Variants in NCOR1 observed in about 807,000 individuals in gnomAD.
The protein encoded by NCOR1 is protein phosphatase 1, regulatory subunit 109.
Under a neutral mutation model 288.1 loss-of-function variants are expected in NCOR1, and 63 were observed. The ratio of observed to expected loss-of-function variants is 0.22; its 90% CI spans 0.18 to 0.27. The LOEUF (loss-of-function observed/expected upper bound fraction) is 0.27, where lower values mean the gene tolerates loss of function less well. Ranked by LOEUF, NCOR1 falls within the 10% of genes least tolerant of loss-of-function variation. The pLI is 1.00. For missense variants in NCOR1, 2,397 were observed against 3,019.2 expected, an observed-to-expected ratio of 0.79 and a Z score of 4.83; for synonymous variants, 1,007 against 1,065.9, an observed-to-expected ratio of 0.94 and a Z score of 1.08.
chr17:16,207,739 C>CAAAAAA (rs200123318), intron 1 of NCOR1, among the ~76,000 whole-genome samples: 1 of 61,032 alleles, frequency 1.6e-5, no homozygotes, highest in Non-Finnish European at 3.5e-5. Flanking sequence ...ACTCCATCTC[C>CAAAAAA]AAAAAAAAAA....
At chr17:16,183,230 C>CAAAAAAAAAAAAAAAGAAAAAAAAAAA (rs2085891280) in intron 3 of NCOR1, among the ~76,000 whole-genome samples, 1 of 64,074 alleles carries the variant, frequency 1.6e-5, no homozygotes, top group Non-Finnish European at 3.7e-5. Context: ...AGCAATCAAA[C>CAAAAAAAAAAAAAAAGAAAAAAAAAAA]AAAAAAAAAA....
chr17:16,067,216 T>G (rs1246596902), intron 32 of NCOR1, among the ~76,000 whole-genome samples: 3 of 152,270 alleles, frequency 2.0e-5, no homozygotes, highest in African/African-American at 4.8e-5. Context: ...TGTCTACCAA[T>G]GTCAGTGGTG....
At chr17:16,146,785 T>C (rs995544808) in intron 9 of NCOR1, among the ~76,000 whole-genome samples, 1 of 152,198 alleles carries the variant, frequency 6.6e-6, no homozygotes, top group African/African-American at 2.4e-5. Flanking sequence ...AGACTATGCA[T>C]ATTTATAAAC....
intron 18 of NCOR1, among the ~76,000 whole-genome samples, chr17:16,114,409 C>T (rs1033076486): frequency 6.6e-5 from 10 of 152,210 alleles, no homozygotes; most frequent in African/African-American, 2.4e-4. Flanking sequence ...ATTTCAAAAC[C>T]AATCATGCCT....
chr17:16,059,270 A>G (rs1190801003), intron 37 of NCOR1, among the ~76,000 whole-genome samples: 1 of 152,156 alleles, frequency 6.6e-6, no homozygotes, highest in Admixed American at 6.5e-5. Context: ...GTTCTTAGAA[A>G]AACGCTGAGG....
chr17:16,208,374 TAACTCAC>T (rs1343441698), intron 1 of NCOR1, among the ~76,000 whole-genome samples: 9 of 151,800 alleles, frequency 5.9e-5, no homozygotes, highest in Non-Finnish European at 1.2e-4. Flanking sequence ...TCTGTATTTC[TAACTCAC>T]AGTTTTTTCC....
At chr17:16,186,980 CAT>C (rs1003015798) in intron 2 of NCOR1, among the ~76,000 whole-genome samples, 9 of 152,084 alleles carry the variant, frequency 5.9e-5, no homozygotes, top group African/African-American at 2.2e-4. Context: ...ATCTCAAACT[CAT>C]GTGTTCAATA....
chr17:16,080,534 A>C (rs2063233280), intron 24 of NCOR1, 25 bp from the exon 25 acceptor site: 2 of 1,612,966 alleles, frequency 1.2e-6, no homozygotes, highest in Non-Finnish European at 8.5e-7. Flanking sequence ...AGAAACATGA[A>C]ACAATCCAGT....
rs147509060 is a variant in NCOR1, at chr17:16,137,584, T to C, written c.1408-172A>G. ...ATCTAGGCTCTAAAATTATTTACATTATAGGTACTATTTTAATAGACAGTT... is the reference window on the plus strand; with the variant it reads ...ATCTAGGCTCTAAAATTATTTACATCATAGGTACTATTTTAATAGACAGTT... On this transcript the variant is annotated intron_variant, in intron 13 of 45. Transcript: ENST00000268712. Among the ~76,000 whole-genome samples, 9 of 152,298 alleles carry C rather than the reference T, an allele frequency of 5.9e-5. No homozygotes were observed. The East Asian group carries it at 1.5e-3, about 26-fold the overall frequency.
At chr17:16,098,976 T>C (rs2067132276) in intron 20 of NCOR1, among the ~76,000 whole-genome samples, 2 of 152,250 alleles carry the variant, frequency 1.3e-5, no homozygotes, top group African/African-American at 2.4e-5. Flanking sequence ...TTAGAGGATG[T>C]TTTATTGGGA....
chr17:16,079,197 C>T (rs1407524866), intron 26 of NCOR1, among the ~76,000 whole-genome samples: 1 of 152,192 alleles, frequency 6.6e-6, no homozygotes, highest in East Asian at 1.9e-4. Flanking sequence ...GGGGTAAGAT[C>T]TGAAAATTTA....
intron 21 of NCOR1, among the ~76,000 whole-genome samples, chr17:16,092,834 G>T (rs2065659003): frequency 6.7e-6 from 1 of 149,436 alleles, no homozygotes; most frequent in Admixed American, 6.7e-5. Flanking sequence ...AAGTAGCTGG[G>T]ATTACAGGTG....
At chr17:16,187,561 G>A (rs2086934864) in intron 2 of NCOR1, among the ~76,000 whole-genome samples, 1 of 150,392 alleles carries the variant, frequency 6.6e-6, no homozygotes, top group Admixed American at 6.6e-5. Context: ...AAAAAGGTCA[G>A]GCACAAAAGG....
intron 31 of NCOR1, 94 bp downstream of exon 31, chr17:16,070,071 G>A (rs1451149690): frequency 6.9e-7 from 1 of 1,452,938 alleles, no homozygotes. Flanking sequence ...ATACTCTAAA[G>A]CTGACAATTT....
rs113313539 is a variant in NCOR1 at position 16,125,233 on chromosome 17, C to T, written c.1634+849G>A. On this transcript the variant is annotated intron_variant, in intron 15 of 45. Coordinates refer to ENST00000268712, the MANE Select transcript of NCOR1 (RefSeq NM_006311.4). ...ACAAAATTAGCCGGGCGTGGTGACG[C>T]GTGCCTGTAATCCTACCTACTTGGG... Among the ~76,000 whole-genome samples, 94 of 152,082 alleles carry T rather than the reference C, an allele frequency of 6.2e-4. 1 individual carries two copies. Among genetic ancestry groups the T allele is most frequent in the African/African-American group, 2.1e-3 (89 of 41,468 alleles).
chr17:16,048,650 TG>T (rs1329854429), intron 41 of NCOR1, among the ~76,000 whole-genome samples, 194 bp downstream of exon 41: 1 of 152,062 alleles, frequency 6.6e-6, no homozygotes, highest in Non-Finnish European at 1.5e-5. Flanking sequence ...TATTTAAATA[TG>T]ATATTATAAA....
intron 18 of NCOR1, among the ~76,000 whole-genome samples, chr17:16,114,306 T>G (rs2071090967): frequency 6.6e-6 from 1 of 152,112 alleles, no homozygotes; most frequent in African/African-American, 2.4e-5. Context: ...ACATGGGAAC[T>G]GTGGGACCTA....
At chr17:16,158,928 T>C in intron 5 of NCOR1, 55 bp from the exon 6 acceptor site, 2 of 1,244,648 alleles carry the variant, frequency 1.6e-6, no homozygotes, top group Admixed American at 3.6e-5. Context: ...CACCCAGCAG[T>C]GATTAACCAC....
chr17:16,130,463 G>A (rs993442565), intron 14 of NCOR1, among the ~76,000 whole-genome samples: 2 of 152,060 alleles, frequency 1.3e-5, no homozygotes, highest in African/African-American at 4.8e-5. Context: ...ACAAATATTC[G>A]CAATGGCTCG....
Sources: gnomAD v4.1 joint callset for allele counts (sites outside exome capture counted in the v4.1 genomes callset) on GRCh38, gnomAD v4.1.1 for gene constraint, MANE v1.5 for transcripts, NCBI Gene and HGNC (gene_info 2026-07-23, HGNC 2026-07-21) for gene names.